Variants in SLC9A4 observed in about 807,000 individuals in gnomAD.
SLC9A4 encodes solute carrier family 9 member A4, also known as sodium/hydrogen exchanger 4.
A neutral mutation model predicts 67.4 loss-of-function variants in SLC9A4; 63 were observed. That is an observed-to-expected ratio of 0.93 (90% CI 0.76 to 1.15). The LOEUF is 1.15. SLC9A4 is among the 50% of genes most tolerant of loss of function. The pLI is 0.00. For synonymous variants in SLC9A4, 393 were observed against 367.2 expected (o/e 1.07, Z -0.80); for missense variants, 1,089 against 987.7 (o/e 1.10, Z -1.38).
At chr2:102,475,843 T>A (rs888364143) in intron 1 of SLC9A4, among the ~76,000 whole-genome samples, 2 of 152,200 alleles carry the variant, frequency 1.3e-5, no homozygotes, top group Non-Finnish European at 2.9e-5. Flanking sequence ...AGGGCCAAAA[T>A]AATAATGATG....
At position 102,475,667 on chromosome 2, in the gene SLC9A4, C is replaced by T. The variant is rs149897477; in HGVS notation, c.256+1652C>T. On this transcript the variant is annotated intron_variant, in intron 1 of 11. Coordinates refer to ENST00000295269, the MANE Select transcript of SLC9A4 (RefSeq NM_001011552.4). Reference sequence around the variant, plus strand: ...AAAAAAAGAGTAGGATATCAGAACACGCTTATTCGAGTACAATTTCATATT... The same window carrying T: ...AAAAAAAGAGTAGGATATCAGAACATGCTTATTCGAGTACAATTTCATATT... 3.7e-3 allele frequency among the ~76,000 whole-genome samples: 567 copies of T among 152,206 alleles called. 9 individuals carry two copies. Among genetic ancestry groups the T allele is most frequent in the African/African-American group, 0.013 (525 of 41,520 alleles).
At chr2:102,480,396 T>C (rs952710795) in intron 2 of SLC9A4, among the ~76,000 whole-genome samples, 2 of 151,924 alleles carry the variant, frequency 1.3e-5, no homozygotes, top group African/African-American at 2.4e-5. Flanking sequence ...AGAGTTTCAC[T>C]CTTGTTGCCC....
chr2:102,499,888 AC>A (rs1259839882), intron 2 of SLC9A4, among the ~76,000 whole-genome samples: 1 of 152,222 alleles, frequency 6.6e-6, no homozygotes, highest in Non-Finnish European at 1.5e-5. Context: ...AGAGTTTAAG[AC>A]CTTGTAAAAT....
chr2:102,531,721 T>TAAATTATCAGG (rs1443985438), intron 11 of SLC9A4, among the ~76,000 whole-genome samples: 3 of 152,118 alleles, frequency 2.0e-5, no homozygotes, highest in Non-Finnish European at 1.5e-5. Flanking sequence ...AGGCATATAG[T>TAAATTATCAGG]AAATTATCAG....
chr2:102,529,348 T>C (rs1674732046), intron 11 of SLC9A4, among the ~76,000 whole-genome samples: 1 of 152,248 alleles, frequency 6.6e-6, no homozygotes, highest in Non-Finnish European at 1.5e-5. Flanking sequence ...TTAGCAGTTT[T>C]CTTTAATAAG....
chr2:102,518,675 T>A (rs759448299), intron 8 of SLC9A4, among the ~76,000 whole-genome samples: 6 of 152,222 alleles, frequency 3.9e-5, no homozygotes, highest in Non-Finnish European at 8.8e-5. Flanking sequence ...GTACATTACT[T>A]TTAAAATGTC....
chr2:102,479,953 G>A (rs565887824), intron 2 of SLC9A4, among the ~76,000 whole-genome samples: 2 of 152,240 alleles, frequency 1.3e-5, no homozygotes, highest in Non-Finnish European at 2.9e-5. Context: ...TGGGGGTGCT[G>A]GAATATTGAG....
At chr2:102,474,863 T>C (rs60508702) in intron 1 of SLC9A4, among the ~76,000 whole-genome samples, 1,850 of 152,372 alleles carry the variant, frequency 0.012, 38 homozygotes, top group African/African-American at 0.041. Flanking sequence ...GATTGCCTTA[T>C]TGAGATAGAA....
chr2:102,500,047 C>T (rs1684891531), intron 2 of SLC9A4, among the ~76,000 whole-genome samples: 1 of 152,180 alleles, frequency 6.6e-6, no homozygotes, highest in East Asian at 1.9e-4. Flanking sequence ...TCACCTGGAA[C>T]TGCAGGATAG....
intron 2 of SLC9A4, among the ~76,000 whole-genome samples, chr2:102,498,875 T>C (rs994038548): frequency 3.9e-5 from 6 of 152,224 alleles, no homozygotes; most frequent in African/African-American, 1.4e-4. Flanking sequence ...CCAATAGATG[T>C]TGTCCAGGTC....
chr2:102,506,725 A>G (rs1446943565), intron 4 of SLC9A4, among the ~76,000 whole-genome samples: 1 of 152,202 alleles, frequency 6.6e-6, no homozygotes, highest in East Asian at 1.9e-4. Flanking sequence ...AGCTAATGCC[A>G]AGAGAAGTAA....
At chr2:102,482,260 C>T (rs1448208110) in intron 2 of SLC9A4, among the ~76,000 whole-genome samples, 1 of 152,130 alleles carries the variant, frequency 6.6e-6, no homozygotes, top group Non-Finnish European at 1.5e-5. Flanking sequence ...ATGTCCAGTC[C>T]CATTTCATAC....
At chr2:102,507,952 A>G in intron 4 of SLC9A4, 127 bp from the exon 5 acceptor site, 1 of 832,372 alleles carries the variant, frequency 1.2e-6, no homozygotes. Context: ...GGGATAGACA[A>G]TCATGGGTGT....
At chr2:102,488,687 T>C (rs1684638865) in intron 2 of SLC9A4, among the ~76,000 whole-genome samples, 1 of 151,928 alleles carries the variant, frequency 6.6e-6, no homozygotes, top group African/African-American at 2.4e-5. Context: ...TAGCTGGGAC[T>C]AAAGGTGCCC....
Position 102,473,532 on chromosome 2 carries a change from C to T in SLC9A4, c.-228C>T. On this transcript the variant is annotated 5_prime_UTR_variant, in exon 1 of 12. Transcript: ENST00000295269. The stretch of plus-strand genomic sequence containing the variant: ...CTTTAACAAGTCTATTGAATAACTG[C>T]ATTTGAGTTGGAAGCTGAGTTGCCT... 1.8e-6 allele frequency: 1 copy of T among 550,548 alleles called. No homozygotes were observed. The highest frequency in any genetic ancestry group is 3.2e-6 in the Non-Finnish European group (1 of 312,992). 34.1% of individuals were successfully genotyped at this position (550,548 alleles called of 1,614,324 possible).
chr2:102,499,937 C>T (rs561483558), intron 2 of SLC9A4, among the ~76,000 whole-genome samples: 3 of 152,120 alleles, frequency 2.0e-5, no homozygotes, highest in Admixed American at 6.5e-5. Flanking sequence ...AGATTTATAA[C>T]GAAAACTTCT....
chr2:102,510,315 A>T (rs953231569), intron 6 of SLC9A4, among the ~76,000 whole-genome samples: 5 of 152,242 alleles, frequency 3.3e-5, no homozygotes, highest in Admixed American at 6.5e-5. Context: ...ATATAGGAAG[A>T]GATTTGTTGT....
intron 8 of SLC9A4, 35 bp downstream of exon 8, chr2:102,514,286 C>A: frequency 6.6e-7 from 1 of 1,525,402 alleles, no homozygotes; most frequent in Non-Finnish European, 8.9e-7. Flanking sequence ...TAAACTTTCA[C>A]TGTCAGAATT....
chr2:102,474,529 A>T (rs1307475745), intron 1 of SLC9A4, among the ~76,000 whole-genome samples: 1 of 152,180 alleles, frequency 6.6e-6, no homozygotes, highest in Non-Finnish European at 1.5e-5. Context: ...TGTATTACTC[A>T]GTGATGGGAT....
Sources: allele counts gnomAD v4.1 joint callset (sites outside exome capture counted in the v4.1 genomes callset), GRCh38; gene constraint gnomAD v4.1.1; transcripts MANE v1.5; gene names NCBI Gene and HGNC (gene_info 2026-07-23, HGNC 2026-07-21).